The following IRF2 variants were observed in gnomAD, a reference collection of about 807,000 sequenced individuals.
IRF2 encodes interferon regulatory factor 2.
In IRF2, 15 loss-of-function variants were observed where a neutral mutation model predicts 40.6. That is an observed-to-expected ratio of 0.37 (90% CI 0.25 to 0.57). The LOEUF is 0.57. IRF2 is among the 20% of genes least tolerant of loss of function. The pLI, the probability that IRF2 is intolerant of heterozygous loss-of-function variation, is 0.77. For missense variants in IRF2, 317 were observed against 455.7 expected, an observed-to-expected ratio of 0.70 and a Z score of 2.77; for synonymous variants, 151 against 165.5, an observed-to-expected ratio of 0.91 and a Z score of 0.67.
chr4:184,443,043 A>C lies in IRF2; in HGVS notation c.-6-13973T>G, dbSNP rs187503531. Reference sequence around the variant, plus strand: ...CAGGTTCAAGCGATTCTCCTGCCTCAGCCTCCTGTGTAGCTGGGATTACAG... The same window carrying C: ...CAGGTTCAAGCGATTCTCCTGCCTCCGCCTCCTGTGTAGCTGGGATTACAG... On this transcript the variant is annotated intron_variant, in intron 1 of 8. Coordinates refer to ENST00000393593, the MANE Select transcript of IRF2 (RefSeq NM_002199.4). 4.6e-5 allele frequency among the ~76,000 whole-genome samples: 7 copies of C among 152,240 alleles called. No homozygotes were observed. The East Asian group carries it at 1.4e-3, about 29-fold the overall frequency.
chr4:184,389,172 C>CA lies in IRF2; in HGVS notation c.742-107dup, dbSNP rs1026634574. ...TGGTGGCTCATGCCTGTAATCCCAGCACTTTGGGAGGCTGAGGCTGGAGGA... is the reference window on the plus strand; with the variant it reads ...TGGTGGCTCATGCCTGTAATCCCAGCAACTTTGGGAGGCTGAGGCTGGAGGA... On this transcript the variant is annotated intron_variant, in intron 8 of 8. Transcript: ENST00000393593. The CA allele has an allele frequency of 4.5e-6, 5 of 1,118,866 alleles. No individual in the cohort carries two copies. The African/African-American group carries it at 7.8e-5, about 17-fold the overall frequency. The allele number at this position is 1,118,866 out of a possible 1,614,324, so 69.3% of individuals were successfully genotyped here.
At chr4:184,464,029 C>T (rs1026282138) in intron 1 of IRF2, among the ~76,000 whole-genome samples, 4 of 151,892 alleles carry the variant, frequency 2.6e-5, no homozygotes, top group Non-Finnish European at 4.4e-5. Flanking sequence ...GCATATGATG[C>T]GAAGATAGGG....
intron 1 of IRF2, among the ~76,000 whole-genome samples, chr4:184,452,581 C>G (rs1738754678): frequency 1.3e-5 from 2 of 151,900 alleles, no homozygotes; most frequent in South Asian, 4.1e-4. Context: ...CTTCTCTGTT[C>G]TCATCAGGCT....
chr4:184,465,092 A>G (rs116391096), intron 1 of IRF2, among the ~76,000 whole-genome samples: 138 of 152,316 alleles, frequency 9.1e-4, no homozygotes, highest in African/African-American at 3.1e-3. Flanking sequence ...ATTCATATGT[A>G]TAAAGAATGT....
chr4:184,457,524 A>C (rs994481744), intron 1 of IRF2, among the ~76,000 whole-genome samples: 1 of 152,196 alleles, frequency 6.6e-6, no homozygotes, highest in Non-Finnish European at 1.5e-5. Flanking sequence ...ATTCCTCCTC[A>C]CTTGAGGATT....
intron 6 of IRF2, among the ~76,000 whole-genome samples, chr4:184,400,534 G>A (rs1192675382): frequency 6.6e-6 from 1 of 152,160 alleles, no homozygotes; most frequent in Non-Finnish European, 1.5e-5. Context: ...TTGTGTTCAG[G>A]TTTTGTATGA....
At chr4:184,459,142 C>T (rs966742246) in intron 1 of IRF2, among the ~76,000 whole-genome samples, 4 of 151,904 alleles carry the variant, frequency 2.6e-5, no homozygotes, top group Non-Finnish European at 4.4e-5. Flanking sequence ...ACAGAGCAGC[C>T]GCAATGATAA....
At chr4:184,473,244 C>T (rs1482206187) in intron 1 of IRF2, among the ~76,000 whole-genome samples, 8 of 150,680 alleles carry the variant, frequency 5.3e-5, no homozygotes, top group Non-Finnish European at 7.4e-5. Flanking sequence ...ACTCGCGTCC[C>T]CACCCCGCCG....
intron 5 of IRF2, among the ~76,000 whole-genome samples, chr4:184,414,271 G>A (rs1008826177): frequency 1.3e-5 from 2 of 152,202 alleles, no homozygotes; most frequent in Admixed American, 6.5e-5. Context: ...AGAGCAAACC[G>A]TTCCATGATA....
chr4:184,453,426 C>A (rs980032027), intron 1 of IRF2, among the ~76,000 whole-genome samples: 1 of 152,228 alleles, frequency 6.6e-6, no homozygotes, highest in Non-Finnish European at 1.5e-5. Flanking sequence ...ACTGCATTTT[C>A]AAAGCTTCTT....
At chr4:184,441,380 C>T (rs1481277898) in intron 1 of IRF2, among the ~76,000 whole-genome samples, 2 of 152,190 alleles carry the variant, frequency 1.3e-5, no homozygotes, top group Admixed American at 6.5e-5. Flanking sequence ...CATCGTTTCC[C>T]GGCCGGTTCT....
intron 5 of IRF2, among the ~76,000 whole-genome samples, chr4:184,411,629 G>A (rs918512484): frequency 1.3e-5 from 2 of 152,248 alleles, no homozygotes; most frequent in African/African-American, 2.4e-5. Flanking sequence ...ACAGGCCCAG[G>A]AGAGAAGGAT....
At chr4:184,411,184 A>G (rs562221453) in intron 5 of IRF2, among the ~76,000 whole-genome samples, 7 of 152,092 alleles carry the variant, frequency 4.6e-5, no homozygotes, top group Admixed American at 1.3e-4. Flanking sequence ...CAGCCTCCCA[A>G]GTAGCTGGGA....
Position 184,391,375 on chromosome 4 carries a change from G to A in IRF2, c.695-626C>T, listed in dbSNP as rs754826419. Among the ~76,000 whole-genome samples, 57 of 152,208 alleles carry A rather than the reference G, an allele frequency of 3.7e-4. 1 individual carries two copies. Among genetic ancestry groups the A allele is most frequent in the Admixed American group, 6.5e-4 (10 of 15,284 alleles). ...ATACAGCAAAGGGGATGAAATGGAT[G>A]TGATCCTGTGTCCATGATCATGTTA... On this transcript the variant is annotated intron_variant, in intron 7 of 8. Transcript: ENST00000393593.
intron 6 of IRF2, among the ~76,000 whole-genome samples, chr4:184,404,615 A>T (rs1413509461): frequency 6.6e-5 from 10 of 152,226 alleles, no homozygotes; most frequent in African/African-American, 2.4e-4. Context: ...CCAAAATCAC[A>T]TGGTAAATAA....
rs570544964 is a variant in IRF2, at chr4:184,468,379, C to T, written c.-7+6000G>A. Among the ~76,000 whole-genome samples, 5 of 152,044 alleles carry T rather than the reference C, an allele frequency of 3.3e-5. No homozygotes were observed. In the South Asian group the frequency reaches 1.0e-3, roughly 32 times the overall value. On this transcript the variant is annotated intron_variant, in intron 1 of 8. Coordinates refer to ENST00000393593, the MANE Select transcript of IRF2 (RefSeq NM_002199.4). The stretch of plus-strand genomic sequence containing the variant: ...GCATATGCCTGTAATCCCAGCTACT[C>T]GGGAGGCTGAGGCAGAAGAATCACT...
intron 2 of IRF2, among the ~76,000 whole-genome samples, chr4:184,422,229 C>T (rs746181969): frequency 8.5e-5 from 13 of 152,150 alleles, no homozygotes; most frequent in Non-Finnish European, 1.8e-4. Context: ...TCCTTTGTAG[C>T]AACATGAAAC....
intron 7 of IRF2, among the ~76,000 whole-genome samples, chr4:184,395,382 C>T (rs897453241): frequency 1.7e-4 from 24 of 137,252 alleles, no homozygotes; most frequent in Middle Eastern, 4.3e-3. Context: ...CACTGCACTC[C>T]AGCCTGGGCG....
intron 7 of IRF2, among the ~76,000 whole-genome samples, chr4:184,396,396 C>A (rs977362634): frequency 6.6e-6 from 1 of 151,820 alleles, no homozygotes; most frequent in Non-Finnish European, 1.5e-5. Context: ...CGCTGCTCTA[C>A]CCACGCCAGC....
Sources: gnomAD v4.1 joint callset for allele counts (sites outside exome capture counted in the v4.1 genomes callset) on GRCh38, gnomAD v4.1.1 for gene constraint, MANE v1.5 for transcripts, NCBI Gene and HGNC (gene_info 2026-07-23, HGNC 2026-07-21) for gene names.